Variants in MYPN observed in about 807,000 individuals in gnomAD.
MYPN encodes sarcomeric protein myopalladin, 145 kDa (MYOP).
In MYPN, 63 loss-of-function variants were observed where a neutral mutation model predicts 129.4. The observed-to-expected ratio is 0.49, with a 90% CI of 0.40 to 0.60. The LOEUF (loss-of-function observed/expected upper bound fraction) is 0.60. Ranked by LOEUF, MYPN falls within the 20% of genes least tolerant of loss-of-function variation. The pLI, the probability that MYPN is intolerant of heterozygous loss-of-function variation, is 0.00. For synonymous variants in MYPN, 629 were observed against 600.9 expected (o/e 1.05, Z -0.68); for missense variants, 1,596 against 1,635.4 (o/e 0.98, Z 0.42).
At chr10:68,139,660 C>G (rs994031099) in intron 2 of MYPN, among the ~76,000 whole-genome samples, 7 of 152,158 alleles carry the variant, frequency 4.6e-5, no homozygotes, top group African/African-American at 1.7e-4. Flanking sequence ...ATTTATGAAC[C>G]CATTTCAGCA....
In MYPN at chr10:68,206,817, C is replaced by A; in HGVS notation, c.3707C>A (p.Ala1236Asp). The change falls in exon 19 of 20, where the codon GCC becomes GAC. Residue 1236 changes from alanine (A) to aspartate (D), a missense_variant. Physicochemically the swap from Ala to Asp is moderately radical, Grantham distance 126 (BLOSUM62 -2). Coordinates refer to ENST00000358913, the MANE Select transcript of MYPN (RefSeq NM_032578.4). ...TATGCCTGCCTTCTCATTCAGCCAG[C>A]CAAGAAATCAGACGCTGGATGGTAC... ...TGYACLLIQPAKKSDAGWYTL... is the reference protein window; with the variant it reads ...TGYACLLIQPDKKSDAGWYTL... The A allele has an allele frequency of 1.2e-6, 2 of 1,614,186 alleles. No individual in the cohort carries two copies. The highest frequency in any genetic ancestry group is 1.7e-6 in the Non-Finnish European group (2 of 1,180,030).
intron 12 of MYPN, among the ~76,000 whole-genome samples, chr10:68,178,666 T>C (rs189367195): frequency 2.0e-5 from 3 of 147,410 alleles, no homozygotes; most frequent in East Asian, 2.0e-4. Context: ...TGAGCCGAGA[T>C]CATGCCATTG....
At chr10:68,204,725 CAAAAAA>C (rs33973275) in intron 18 of MYPN, among the ~76,000 whole-genome samples, 2 of 89,360 alleles carry the variant, frequency 2.2e-5, no homozygotes, top group African/African-American at 4.9e-5. Context: ...GACTCTGTCT[CAAAAAA>C]AAAAAAAAAA....
At chr10:68,182,568 A>G (rs549920103) in intron 12 of MYPN, among the ~76,000 whole-genome samples, 36 of 149,888 alleles carry the variant, frequency 2.4e-4, no homozygotes, top group African/African-American at 7.4e-4. Context: ...GTGCAGTGGC[A>G]TGATCTCGGC....
intron 8 of MYPN, among the ~76,000 whole-genome samples, chr10:68,164,169 T>C (rs1167246876): frequency 6.6e-6 from 1 of 152,186 alleles, no homozygotes. Context: ...GAACAGGGAT[T>C]TATTTCTTAC....
chr10:68,199,495 A>T lies in MYPN; in HGVS notation c.3413A>T (p.Gln1138Leu). ...TCTCTGCTCATTGACCCACTCACTCAGCGCGACGCAGGGACCTATAAGTGC... is the reference window on the plus strand; with the variant it reads ...TCTCTGCTCATTGACCCACTCACTCTGCGCGACGCAGGGACCTATAAGTGC... ...VHSLLIDPLTQRDAGTYKCIA... is the reference protein window; with the variant it reads ...VHSLLIDPLTLRDAGTYKCIA... Residue 1138 changes from glutamine (Q) to leucine (L), a missense_variant, in exon 17 of 20, where the codon CAG becomes CTG. Coordinates refer to ENST00000358913, the MANE Select transcript of MYPN (RefSeq NM_032578.4). 6.2e-7 allele frequency: 1 copy of T among 1,614,186 alleles called. No individual in the cohort carries two copies.
chr10:68,088,746 A>T lies in MYPN; in HGVS notation c.-2+754A>T, dbSNP rs144832248. On this transcript the variant is annotated intron_variant, in intron 1 of 6. Transcript: ENST00000685154. ...CAGAAATTCAGAACTTTAAAAAAAT[A>T]AATTAATTGAGATATAATTAATACA... Among the ~76,000 whole-genome samples, 10 of 152,328 alleles carry T rather than the reference A, an allele frequency of 6.6e-5. No homozygotes were observed. The South Asian group carries it at 1.4e-3, about 22-fold the overall frequency.
At chr10:68,105,205 T>C (rs1308075383), upstream of MYPN, among the ~76,000 whole-genome samples, 9 of 152,230 alleles carry the variant, frequency 5.9e-5, no homozygotes, top group South Asian at 1.0e-3. Flanking sequence ...AGTCACTTAC[T>C]TGTTGTGTGA....
chr10:68,168,991 TA>T (rs71009012), intron 10 of MYPN, among the ~76,000 whole-genome samples: 1,122 of 80,144 alleles, frequency 0.014, 16 homozygotes, highest in African/African-American at 0.062. Flanking sequence ...GATTATTTCT[TA>T]AAAAAAAAAA....
intron 2 of MYPN, among the ~76,000 whole-genome samples, chr10:68,134,393 TA>T (rs2134035128): frequency 1.3e-5 from 2 of 152,278 alleles, no homozygotes; most frequent in African/African-American, 4.8e-5. Flanking sequence ...GAGGAGACAA[TA>T]AAAACTTTCT....
At chr10:68,193,523 T>G (rs2043550038) in intron 13 of MYPN, among the ~76,000 whole-genome samples, 1 of 152,192 alleles carries the variant, frequency 6.6e-6, no homozygotes, top group Non-Finnish European at 1.5e-5. Context: ...ATGCTGAAAA[T>G]GTCATATCGT....
intron 10 of MYPN, 33 bp from the exon 11 acceptor site, chr10:68,174,033 C>T: frequency 1.3e-6 from 2 of 1,507,806 alleles, no homozygotes; most frequent in Non-Finnish European, 9.2e-7. Context: ...TAACACATTT[C>T]CTTCTCTCTC....
intron 18 of MYPN, among the ~76,000 whole-genome samples, chr10:68,205,330 C>G (rs1457330529): frequency 2.6e-5 from 4 of 151,970 alleles, no homozygotes; most frequent in Admixed American, 1.3e-4. Flanking sequence ...TTTATTTCTA[C>G]TTATTTATCT....
chr10:68,129,605 T>C (rs2042378655), intron 2 of MYPN, among the ~76,000 whole-genome samples: 1 of 152,220 alleles, frequency 6.6e-6, no homozygotes, highest in East Asian at 1.9e-4. Flanking sequence ...ATAAAATTGC[T>C]GGCAGACTAT....
At chr10:68,160,649 C>T (rs556811422) in intron 7 of MYPN, among the ~76,000 whole-genome samples, 1 of 152,110 alleles carries the variant, frequency 6.6e-6, no homozygotes, top group Non-Finnish European at 1.5e-5. Context: ...GGCATGGTGG[C>T]TCATGCCTTT....
chr10:68,198,586 T>C (rs7084233), intron 16 of MYPN, among the ~76,000 whole-genome samples: 88,056 of 151,890 alleles, frequency 0.58, 27,520 homozygotes, highest in Non-Finnish European at 0.69. Context: ...GATTGCTACA[T>C]CCCCCTCCCT....
At chr10:68,121,353 A>G in intron 1 of MYPN, 85 bp from the exon 2 acceptor site, 1 of 1,144,762 alleles carries the variant, frequency 8.7e-7, no homozygotes, top group South Asian at 1.6e-5. Context: ...TTTAATTTCT[A>G]ACGAGTCTGC....
At chr10:68,106,303 GT>G, upstream of MYPN, 1 of 362,936 alleles carries the variant, frequency 2.8e-6, no homozygotes, top group Non-Finnish European at 5.3e-6. Flanking sequence ...TTTTTTTAAT[GT>G]TTTTAGTTTT....
chr10:68,096,950 A>G (rs932310483), intron 1 of MYPN, among the ~76,000 whole-genome samples: 3 of 152,232 alleles, frequency 2.0e-5, no homozygotes, highest in African/African-American at 7.2e-5. Context: ...CAAAGCACAT[A>G]GCATAAACTG....
Sources: gnomAD v4.1 joint callset for allele counts (sites outside exome capture counted in the v4.1 genomes callset) on GRCh38, gnomAD v4.1.1 for gene constraint, MANE v1.5 for transcripts, NCBI Gene and HGNC (gene_info 2026-07-23, HGNC 2026-07-21) for gene names.